Variants in BRCA2 observed in about 807,000 individuals in gnomAD.
BRCA2 encodes the protein breast cancer type 2 susceptibility protein.
BRCA2 carries 203 observed loss-of-function variants against 276.7 expected under a neutral mutation model. That is an observed-to-expected ratio of 0.73 (90% CI 0.65 to 0.82). The LOEUF (loss-of-function observed/expected upper bound fraction) is 0.82, where lower values mean the gene tolerates loss of function less well. Among genes scored for constraint, BRCA2 ranks in the 40% least tolerant of loss-of-function variants. BRCA2 has a pLI of 0.00. For missense variants in BRCA2, 3,920 were observed against 3,915.0 expected (o/e 1.00, Z -0.03); for synonymous variants, 1,289 against 1,338.4 (o/e 0.96, Z 0.81).
intron 24 of BRCA2, among the ~76,000 whole-genome samples, chr13:32,386,272 G>A (rs1233372550): frequency 6.6e-6 from 1 of 152,174 alleles, no homozygotes; most frequent in Non-Finnish European, 1.5e-5. Context: ...GCCAGGGGTG[G>A]TGGCACACAC....
In BRCA2 at chr13:32,329,441, A is replaced by G. The variant is rs397507842; in HGVS notation, c.632-2A>G. On this transcript the variant is annotated splice_acceptor_variant, in intron 7 of 26. Coordinates refer to ENST00000380152, the MANE Select transcript of BRCA2 (RefSeq NM_000059.4). LOFTEE classifies it high-confidence loss of function. ...CAATACACATAAATTTTTATCTTAC[A>G]GTCAGAAATGAAGAAGCATCTGAAA... is the stretch of plus-strand genomic sequence containing the variant. The G allele has an allele frequency of 1.9e-6, 3 of 1,592,024 alleles. No homozygotes were observed. Among genetic ancestry groups the G allele is most frequent in the Non-Finnish European group, 2.6e-6 (3 of 1,162,368 alleles).
rs397507713 is a variant in BRCA2, at chr13:32,325,184, G to A, written c.425G>A (p.Ser142Asn). The change falls in exon 4 of 27, where the codon AGT becomes AAT. Residue 142 changes from serine to asparagine, a missense_variant and splice_region_variant. By Grantham distance (46) the Ser-to-Asn change is conservative (BLOSUM62 1). Coordinates refer to ENST00000380152, the MANE Select transcript of BRCA2 (RefSeq NM_000059.4). ...CTTCTAAATTCTTGTCTTAGTGAAA[G>A]GTATGATGAAGCTATTATATTAAAA... ...CPLLNSCLSESPVVLQCTHVT... is the reference protein window; with the variant it reads ...CPLLNSCLSENPVVLQCTHVT... The A allele has an allele frequency of 2.8e-5, 44 of 1,544,990 alleles. 1 individual carries two copies. The South Asian group carries it at 3.4e-4, about 12-fold the overall frequency.
intron 3 of BRCA2, among the ~76,000 whole-genome samples, chr13:32,323,319 A>AT (rs1035146081): frequency 1.4e-4 from 22 of 151,870 alleles, no homozygotes; most frequent in South Asian, 4.2e-4. Flanking sequence ...CACCTGGCTG[A>AT]TTTTTTTGTA....
chr13:32,332,086 GA>G (rs1320653881), intron 9 of BRCA2, among the ~76,000 whole-genome samples, 185 bp from the exon 10 acceptor site: 1 of 152,136 alleles, frequency 6.6e-6, no homozygotes, highest in Non-Finnish European at 1.5e-5. Context: ...GGCTTTACTA[GA>G]AGAACAGGAG....
intron 24 of BRCA2, among the ~76,000 whole-genome samples, chr13:32,387,477 G>A (rs2072968235): frequency 6.6e-6 from 1 of 152,132 alleles, no homozygotes; most frequent in African/African-American, 2.4e-5. Context: ...AAGCGGTAAC[G>A]GCAGTGTCTG....
At chr13:32,341,306 C>T in intron 11 of BRCA2, 110 bp downstream of exon 11, 1 of 1,503,748 alleles carries the variant, frequency 6.7e-7, no homozygotes, top group Non-Finnish European at 9.2e-7. Flanking sequence ...GTCTTTTCAG[C>T]CATTTTTGTG....
chr13:32,386,856 C>T (rs2072964367), intron 24 of BRCA2, among the ~76,000 whole-genome samples: 2 of 152,156 alleles, frequency 1.3e-5, no homozygotes, highest in African/African-American at 4.8e-5. Flanking sequence ...TAACAAAGAA[C>T]CATAGACTGG....
intron 24 of BRCA2, chr13:32,385,134 A>G (rs2072949866): frequency 4.3e-6 from 1 of 234,072 alleles, no homozygotes; most frequent in East Asian, 8.9e-5. Context: ...AGAATTATGA[A>G]CAGGCCAAGG....
At position 32,375,621 on chromosome 13, in the gene BRCA2, C is replaced by T. The variant is rs528212467; in HGVS notation, c.8633-1049C>T. On this transcript the variant is annotated intron_variant, in intron 20 of 26. Transcript: ENST00000380152. ...TGTTGCCCAGGCTGGAGTGCAATGG[C>T]GTGATCTTGGCTCACAGCAACCTCT... 2.7e-5 allele frequency among the ~76,000 whole-genome samples: 4 copies of T among 148,868 alleles called. No homozygotes were observed. In the East Asian group the frequency reaches 7.9e-4, roughly 30 times the overall value.
intron 13 of BRCA2, among the ~76,000 whole-genome samples, chr13:32,350,271 A>G (rs1465587803): frequency 6.6e-6 from 1 of 152,210 alleles, no homozygotes; most frequent in South Asian, 2.1e-4. Context: ...TAGAAGAAAC[A>G]TTATTCAAGG....
intron 24 of BRCA2, among the ~76,000 whole-genome samples, chr13:32,380,666 G>A (rs1034640324): frequency 2.1e-4 from 31 of 149,618 alleles, no homozygotes; most frequent in Admixed American, 1.8e-3. Flanking sequence ...TCAGCCTCCC[G>A]AGTAGCTGGG....
intron 18 of BRCA2, 151 bp downstream of exon 18, chr13:32,363,684 T>TA: frequency 3.6e-6 from 3 of 829,300 alleles, no homozygotes; most frequent in Admixed American, 2.7e-5. Flanking sequence ...TTCAGACAGT[T>TA]AAAGTTTTTG....
chr13:32,376,698 A>G lies in BRCA2; in HGVS notation c.8661A>G (p.Ser2887=), dbSNP rs1566251375. The G allele has an allele frequency of 6.2e-7, 1 of 1,614,096 alleles. No homozygotes were observed. Among genetic ancestry groups the G allele is most frequent in the Non-Finnish European group, 8.5e-7 (1 of 1,179,980 alleles). Residue 2887 remains serine, a synonymous_variant, in exon 21 of 27, where the codon TCA becomes TCG. Transcript: ENST00000380152. ...EENTTKPYLP[S]RALTRQQVRA... ...ACACAACAAAACCATATTTACCATC[A>G]CGTGCACTAACAAGACAGCAAGTTC...
chr13:32,363,321 A>G lies in BRCA2; in HGVS notation c.8119A>G (p.Lys2707Glu), dbSNP rs1046479731. 2.5e-6 allele frequency: 4 copies of G among 1,614,110 alleles called. No individual in the cohort carries two copies. Among genetic ancestry groups the G allele is most frequent in the African/African-American group, 2.7e-5 (2 of 74,948 alleles). ...SANISETSSN[K>E]TSSADTQKVA... ...AAATATATCTGAAACTTCTAGCAAT[A>G]AAACTAGTAGTGCAGATACCCAAAA... Residue 2707 changes from lysine to glutamate, a missense_variant, in exon 18 of 27, where the codon AAA becomes GAA. Around this residue, in one of 2 missense-constraint regions of BRCA2, gnomAD observed 3,263 missense variants for 3,156.9 expected, o/e 1.03. Coordinates refer to ENST00000380152, the MANE Select transcript of BRCA2 (RefSeq NM_000059.4).
intron 8 of BRCA2, among the ~76,000 whole-genome samples, chr13:32,329,800 T>C (rs990765148): frequency 8.2e-5 from 12 of 146,978 alleles, no homozygotes; most frequent in Admixed American, 8.1e-4. Flanking sequence ...TAAAAATGTG[T>C]AGTATTTATA....
chr13:32,374,082 C>T (rs1326058936), intron 20 of BRCA2, among the ~76,000 whole-genome samples: 1 of 152,222 alleles, frequency 6.6e-6, no homozygotes, highest in Admixed American at 6.5e-5. Context: ...TACCTTGGCC[C>T]TTTTTATCAA....
intron 12 of BRCA2, among the ~76,000 whole-genome samples, chr13:32,345,582 ATAGGTTGAGTAT>A (rs2072605622): frequency 6.6e-6 from 1 of 152,056 alleles, no homozygotes; most frequent in Non-Finnish European, 1.5e-5. Context: ...CTTAGAGTAT[ATAGGTTGAGTAT>A]CCCTATCTGA....
At chr13:32,384,343 C>A (rs2072944473) in intron 24 of BRCA2, among the ~76,000 whole-genome samples, 1 of 151,818 alleles carries the variant, frequency 6.6e-6, no homozygotes, top group South Asian at 2.1e-4. Context: ...TTCCAGAGGC[C>A]CCATTGAAAG....
At position 32,386,588 on chromosome 13, in the gene BRCA2, GA is replaced by G. The variant is rs1055803438; in HGVS notation, c.9256+6451del. ...TAAGAAAAACCATTTGTATGAAGCA[GA>G]AAAAAAATGTTAGGTAGATTTGTAG... is the stretch of plus-strand genomic sequence containing the variant. On this transcript the variant is annotated intron_variant, in intron 24 of 26. Transcript: ENST00000380152. 3.2e-5 allele frequency among the ~76,000 whole-genome samples: 3 copies of G among 93,362 alleles called. 1 individual carries two copies. The highest frequency in any genetic ancestry group is 6.8e-4 in the South Asian group (2 of 2,940). The allele number at this position is 93,362 out of a possible 152,430, so 61.2% of individuals were successfully genotyped here. A position where few individuals can be genotyped will look rare whatever the true frequency, so the allele number is the denominator to read the frequency against.
Sources: allele counts gnomAD v4.1 joint callset (sites outside exome capture counted in the v4.1 genomes callset), GRCh38; gene constraint gnomAD v4.1.1; regional missense constraint gnomAD v4.1.1; transcripts MANE v1.5; gene names NCBI Gene and HGNC (gene_info 2026-07-23, HGNC 2026-07-21).